The following SCLT1 variants were observed in gnomAD, a reference collection of about 807,000 sequenced individuals.
SCLT1 encodes sodium channel-associated protein 1.
A neutral mutation model predicts 112.8 loss-of-function variants in SCLT1; 78 were observed. That is an observed-to-expected ratio of 0.69 (90% CI 0.58 to 0.83). The LOEUF (loss-of-function observed/expected upper bound fraction) is 0.83, where lower values mean the gene tolerates loss of function less well. Ranked by LOEUF, SCLT1 falls within the 40% of genes least tolerant of loss-of-function variation. SCLT1 has a pLI of 0.00. For missense variants in SCLT1, 747 were observed against 770.4 expected, an observed-to-expected ratio of 0.97 and a Z score of 0.36; for synonymous variants, 257 against 254.7, an observed-to-expected ratio of 1.01 and a Z score of -0.09.
chr4:129,027,581 G>C (rs1393395674), intron 5 of SCLT1, among the ~76,000 whole-genome samples: 1 of 152,026 alleles, frequency 6.6e-6, no homozygotes, highest in Non-Finnish European at 1.5e-5. Context: ...TACTGAATGG[G>C]CAAAAACTGG....
At chr4:128,921,193 G>A (rs1735852292) in intron 18 of SCLT1, among the ~76,000 whole-genome samples, 1 of 152,098 alleles carries the variant, frequency 6.6e-6, no homozygotes, top group Non-Finnish European at 1.5e-5. Context: ...CTATGGATAG[G>A]AAGAATCAAT....
chr4:129,028,779 C>T (rs1384336689), intron 5 of SCLT1, among the ~76,000 whole-genome samples: 1 of 152,072 alleles, frequency 6.6e-6, no homozygotes, highest in African/African-American at 2.4e-5. Context: ...ACCTACTCAT[C>T]TGACAAAAGG....
intron 2 of SCLT1, among the ~76,000 whole-genome samples, chr4:129,071,330 T>C (rs1750984658): frequency 6.6e-6 from 1 of 152,206 alleles, no homozygotes; most frequent in Admixed American, 6.6e-5. Flanking sequence ...CTTGTTTCTT[T>C]GTTGACTTTC....
chr4:128,908,695 T>G (rs190232614), intron 18 of SCLT1, among the ~76,000 whole-genome samples: 1 of 152,354 alleles, frequency 6.6e-6, no homozygotes, highest in African/African-American at 2.4e-5. Context: ...CACCAGACAT[T>G]CCATGTGTAC....
chr4:128,946,050 T>G lies in SCLT1; in HGVS notation c.1396A>C (p.Arg466=), dbSNP rs1738130919. Residue 466 remains arginine (R), a synonymous_variant, in exon 16 of 21, where the codon AGA becomes CGA. Coordinates refer to ENST00000281142, the MANE Select transcript of SCLT1 (RefSeq NM_144643.4). The part of the protein sequence containing the change: ...SERSKDDLQL[R]LTRAENRIKQ... ...ATTCTATTTTCTGCTCTCGTAAGTC[T>G]TAGCTGAAGATCATCTTTTGAACGC... 2 of 1,611,832 alleles carry G rather than the reference T, an allele frequency of 1.2e-6. No individual in the cohort carries two copies. The highest frequency in any genetic ancestry group is 1.7e-6 in the Non-Finnish European group (2 of 1,178,220).
rs141842729 is a variant in SCLT1, at chr4:128,888,556, A to G, written c.2004+123T>C. The stretch of plus-strand genomic sequence containing the variant: ...AATGTTTACTTTTTCAACCTCACAT[A>G]TTAAAGGGATTAATTTTAAAATATG... On this transcript the variant is annotated intron_variant, in intron 20 of 20. Coordinates refer to ENST00000281142, the MANE Select transcript of SCLT1 (RefSeq NM_144643.4). 1.5e-3 allele frequency: 836 copies of G among 553,182 alleles called. 1 individual carries two copies. Among genetic ancestry groups the G allele is most frequent in the Admixed American group, 3.1e-3 (89 of 29,172 alleles). The allele number at this position is 553,182 out of a possible 1,614,324, so 34.3% of individuals were successfully genotyped here. A position where few individuals can be genotyped will look rare whatever the true frequency, so the allele number is the denominator to read the frequency against.
At chr4:129,048,717 C>T (rs1488305100) in intron 2 of SCLT1, among the ~76,000 whole-genome samples, 4 of 152,050 alleles carry the variant, frequency 2.6e-5, no homozygotes, top group Non-Finnish European at 4.4e-5. Flanking sequence ...AGAAAATTTT[C>T]GCAACCTACT....
At chr4:129,071,636 C>T (rs977017228) in intron 2 of SCLT1, among the ~76,000 whole-genome samples, 1 of 151,932 alleles carries the variant, frequency 6.6e-6, no homozygotes, top group Non-Finnish European at 1.5e-5. Context: ...GCTTTTGGTG[C>T]CCATTTGCAT....
intron 8 of SCLT1, among the ~76,000 whole-genome samples, chr4:128,995,276 GTTATTGTGTTCT>G (rs1370354662): frequency 3.9e-5 from 6 of 151,900 alleles, no homozygotes; most frequent in Admixed American, 2.6e-4. Context: ...TTTTAATTCC[GTTATTGTGTTCT>G]TTAGGTCCAT....
At chr4:129,031,214 C>T (rs550299574) in intron 5 of SCLT1, among the ~76,000 whole-genome samples, 8 of 152,114 alleles carry the variant, frequency 5.3e-5, no homozygotes, top group Admixed American at 2.0e-4. Context: ...ACAAAAACCA[C>T]ATGATTATCT....
chr4:128,955,727 C>T (rs1009004801), intron 13 of SCLT1, among the ~76,000 whole-genome samples: 1 of 152,120 alleles, frequency 6.6e-6, no homozygotes, highest in African/African-American at 2.4e-5. Context: ...TTCTTTTATA[C>T]ATATTTTTCA....
At chr4:128,985,251 A>G (rs952358055) in intron 9 of SCLT1, among the ~76,000 whole-genome samples, 7 of 152,170 alleles carry the variant, frequency 4.6e-5, no homozygotes, top group African/African-American at 1.7e-4. Context: ...ACACACACAC[A>G]TACACTACAT....
intron 2 of SCLT1, among the ~76,000 whole-genome samples, chr4:129,051,567 A>T (rs372636018): frequency 6.6e-6 from 1 of 152,128 alleles, no homozygotes; most frequent in African/African-American, 2.4e-5. Flanking sequence ...ATTTTTGCAC[A>T]TTGATTTTGT....
At chr4:128,925,390 T>G (rs895288312) in intron 18 of SCLT1, among the ~76,000 whole-genome samples, 1 of 152,058 alleles carries the variant, frequency 6.6e-6, no homozygotes, top group African/African-American at 2.4e-5. Context: ...TCATCCAGGC[T>G]GGAGTGCAGC....
chr4:129,057,292 T>A lies in SCLT1; in HGVS notation c.103-13241A>T, dbSNP rs561348960. On this transcript the variant is annotated intron_variant, in intron 2 of 20. Coordinates refer to ENST00000281142, the MANE Select transcript of SCLT1 (RefSeq NM_144643.4). ...TCAGAGATATTAACCTATAATTTCC[T>A]TTTATTGTGCCTTTGTTAGGTTTTG... 2.6e-5 allele frequency among the ~76,000 whole-genome samples: 4 copies of A among 152,286 alleles called. No homozygotes were observed. In the East Asian group the frequency reaches 7.7e-4, roughly 29 times the overall value.
At chr4:129,005,364 G>T (rs1743899907) in intron 5 of SCLT1, among the ~76,000 whole-genome samples, 3 of 152,062 alleles carry the variant, frequency 2.0e-5, no homozygotes, top group South Asian at 4.1e-4. Context: ...GAAACACTGA[G>T]AATTAAAGTG....
chr4:128,903,728 CCT>C (rs1734492047), intron 18 of SCLT1, among the ~76,000 whole-genome samples: 3 of 152,198 alleles, frequency 2.0e-5, no homozygotes, highest in African/African-American at 7.2e-5. Context: ...AACTCTATCC[CCT>C]GAGACTTTCC....
intron 5 of SCLT1, among the ~76,000 whole-genome samples, chr4:129,018,439 G>C (rs943359896): frequency 5.9e-5 from 9 of 152,116 alleles, no homozygotes; most frequent in African/African-American, 2.2e-4. Flanking sequence ...AATGTGAAAG[G>C]CCCAGCACAG....
intron 13 of SCLT1, among the ~76,000 whole-genome samples, chr4:128,953,629 T>TA (rs1170683359): frequency 0.015 from 2,110 of 144,054 alleles, 29 homozygotes; most frequent in African/African-American, 0.035. Context: ...TCCGTCTCTA[T>TA]AAAAAAAAAA....
Sources: allele counts gnomAD v4.1 joint callset (sites outside exome capture counted in the v4.1 genomes callset), GRCh38; gene constraint gnomAD v4.1.1; transcripts MANE v1.5; gene names NCBI Gene and HGNC (gene_info 2026-07-23, HGNC 2026-07-21).